ZEB1: variants seen among roughly 807,000 people sequenced by gnomAD.
ZEB1 encodes zinc finger E-box-binding homeobox 1.
Under a neutral mutation model 84.9 loss-of-function variants are expected in ZEB1, and 21 were observed. The ratio of observed to expected loss-of-function variants is 0.25; its 90% CI spans 0.18 to 0.36. The LOEUF is 0.36. Among genes scored for constraint, ZEB1 ranks in the 10% least tolerant of loss-of-function variants. The pLI is 1.00. For missense variants in ZEB1, 1,104 were observed against 1,330.2 expected (o/e 0.83, Z 2.65); for synonymous variants, 420 against 471.1 (o/e 0.89, Z 1.41).
chr10:31,484,937 A>G (rs2065525992), intron 2 of ZEB1, among the ~76,000 whole-genome samples: 1 of 151,882 alleles, frequency 6.6e-6, no homozygotes, highest in Non-Finnish European at 1.5e-5. Context: ...TTTTGCAATG[A>G]TGTTGTAATT....
At chr10:31,518,773 G>A (rs2071680515) in intron 6 of ZEB1, among the ~76,000 whole-genome samples, 1 of 152,026 alleles carries the variant, frequency 6.6e-6, no homozygotes. Flanking sequence ...AGAAGCTCAA[G>A]CAGAGATTAG....
chr10:31,446,897 G>T (rs1165644215), intron 1 of ZEB1, among the ~76,000 whole-genome samples: 4 of 152,116 alleles, frequency 2.6e-5, no homozygotes, highest in African/African-American at 4.8e-5. Flanking sequence ...CTTTTGATTT[G>T]GGGTGGAGAG....
At chr10:31,388,277 C>A (rs431073) in intron 1 of ZEB1, among the ~76,000 whole-genome samples, 126,114 of 152,062 alleles carry the variant, frequency 0.83, 53,073 homozygotes, top group African/African-American at 0.96. Context: ...CTGGTGAAGA[C>A]ATTAAATTTG....
chr10:31,444,679 C>G (rs1030595997), intron 1 of ZEB1, among the ~76,000 whole-genome samples: 11 of 152,132 alleles, frequency 7.2e-5, no homozygotes, highest in African/African-American at 2.7e-4. Context: ...GAATCCTTTC[C>G]CCATTGCTTG....
chr10:31,425,714 G>T (rs2056838602), intron 1 of ZEB1, among the ~76,000 whole-genome samples: 2 of 151,950 alleles, frequency 1.3e-5, no homozygotes, highest in Non-Finnish European at 2.9e-5. Flanking sequence ...GAACTATCTG[G>T]CTTGAAACCT....
chr10:31,496,614 T>G (rs1327095350), intron 3 of ZEB1, among the ~76,000 whole-genome samples: 1 of 152,086 alleles, frequency 6.6e-6, no homozygotes, highest in East Asian at 1.9e-4. Flanking sequence ...TTTTAAAACA[T>G]TTCCTCAAAA....
intron 1 of ZEB1, among the ~76,000 whole-genome samples, chr10:31,348,761 T>C (rs1052344637): frequency 2.6e-5 from 4 of 152,270 alleles, no homozygotes; most frequent in African/African-American, 7.2e-5. Context: ...AAAAAAAGTA[T>C]GTTATTCATT....
rs531904879 is a variant in ZEB1 at position 31,521,127 on chromosome 10, G to A, written c.1795G>A (p.Ala599Thr). 1 of 1,614,030 alleles carries A rather than the reference G, an allele frequency of 6.2e-7. No individual in the cohort carries two copies. The highest frequency in any genetic ancestry group is 8.5e-7 in the Non-Finnish European group (1 of 1,180,002). The change falls in exon 7 of 9, where the codon GCA (alanine) becomes ACA (threonine). Residue 599 changes from alanine (A) to threonine (T), a missense_variant. Physicochemically the swap from Ala to Thr is moderately conservative, Grantham distance 58 (BLOSUM62 0). This residue lies in a region of ZEB1 where 531 missense variants were observed against 575.2 expected (regional missense o/e 0.92). Transcript: ENST00000424869. ...AAAGAACCTCTTGTCTCTCCTAAAA[G>A]CATATTATGCTTTGAATGCACAACC... ...PLKNLLSLLKAYYALNAQPSA... is the reference protein window; with the variant it reads ...PLKNLLSLLKTYYALNAQPSA...
At chr10:31,519,436 C>G (rs957647689) in intron 6 of ZEB1, among the ~76,000 whole-genome samples, 2 of 152,138 alleles carry the variant, frequency 1.3e-5, no homozygotes, top group Non-Finnish European at 2.9e-5. Flanking sequence ...GCAAGTCACA[C>G]AAATGTGTTT....
At chr10:31,469,706 C>T (rs1314504785) in intron 2 of ZEB1, among the ~76,000 whole-genome samples, 1 of 152,220 alleles carries the variant, frequency 6.6e-6, no homozygotes, top group Admixed American at 6.5e-5. Flanking sequence ...TGGGTGAAGC[C>T]CACCACAGCT....
intron 6 of ZEB1, 147 bp downstream of exon 6, chr10:31,514,855 T>G: frequency 1.5e-6 from 1 of 657,054 alleles, no homozygotes; most frequent in South Asian, 2.0e-5. Context: ...TATGTTTATT[T>G]TATGTTTTAT....
intron 1 of ZEB1, among the ~76,000 whole-genome samples, chr10:31,349,991 C>T (rs2041041199): frequency 6.6e-6 from 1 of 151,926 alleles, no homozygotes; most frequent in African/African-American, 2.4e-5. Context: ...AAGTCATTGC[C>T]CATACCAGTG....
intron 2 of ZEB1, among the ~76,000 whole-genome samples, chr10:31,479,173 A>G (rs960849126): frequency 1.3e-5 from 2 of 151,840 alleles, no homozygotes; most frequent in African/African-American, 4.8e-5. Context: ...GAAACGTACA[A>G]CCTACCAAGA....
chr10:31,363,624 G>A (rs1210468736), intron 1 of ZEB1: 5 of 1,499,360 alleles, frequency 3.3e-6, no homozygotes, highest in African/African-American at 1.4e-5. Flanking sequence ...GCCTGGCTGG[G>A]ATCACCTGAT....
chr10:31,499,684 G>A (rs1020048216), intron 3 of ZEB1, among the ~76,000 whole-genome samples: 2 of 151,970 alleles, frequency 1.3e-5, no homozygotes, highest in African/African-American at 4.8e-5. Flanking sequence ...AGAATCGCTT[G>A]GACCCAGGAG....
At chr10:31,497,723 T>C (rs1300307208) in intron 3 of ZEB1, among the ~76,000 whole-genome samples, 1 of 152,144 alleles carries the variant, frequency 6.6e-6, no homozygotes, top group African/African-American at 2.4e-5. Context: ...ATCTTTTTTA[T>C]AGCAGACTTC....
chr10:31,382,347 T>G (rs1432564279), intron 1 of ZEB1, among the ~76,000 whole-genome samples: 1 of 152,212 alleles, frequency 6.6e-6, no homozygotes, highest in Non-Finnish European at 1.5e-5. Context: ...CTTTACTGAA[T>G]TAATACAGTT....
At chr10:31,372,596 A>G (rs1449583879) in intron 1 of ZEB1, among the ~76,000 whole-genome samples, 2 of 152,064 alleles carry the variant, frequency 1.3e-5, no homozygotes, top group African/African-American at 4.8e-5. Flanking sequence ...GTAACCTCTA[A>G]CTTCTTGTGG....
intron 1 of ZEB1, among the ~76,000 whole-genome samples, chr10:31,453,215 A>T (rs1297004153): frequency 6.6e-6 from 1 of 152,168 alleles, no homozygotes; most frequent in Non-Finnish European, 1.5e-5. Context: ...CCTTTACACA[A>T]CCCAAAATAG....
Sources: allele counts gnomAD v4.1 joint callset (sites outside exome capture counted in the v4.1 genomes callset), GRCh38; gene constraint gnomAD v4.1.1; regional missense constraint gnomAD v4.1.1; transcripts MANE v1.5; gene names NCBI Gene and HGNC (gene_info 2026-07-23, HGNC 2026-07-21).